TAFA1: variants seen among roughly 807,000 people sequenced by gnomAD.
TAFA1 encodes chemokine-like protein TAFA-1.
TAFA1 carries 4 observed loss-of-function variants against 18.5 expected under a neutral mutation model. The ratio of observed to expected loss-of-function variants is 0.22; its 90% CI spans 0.11 to 0.49. The LOEUF (loss-of-function observed/expected upper bound fraction) is 0.49. Ranked by LOEUF, TAFA1 falls within the 20% of genes least tolerant of loss-of-function variation. The pLI is 0.98. For missense variants in TAFA1, 147 were observed against 169.0 expected (o/e 0.87, Z 0.72); for synonymous variants, 56 against 55.2 (o/e 1.01, Z -0.06).
chr3:68,492,704 A>G (rs948178680), intron 3 of TAFA1, among the ~76,000 whole-genome samples: 13 of 152,222 alleles, frequency 8.5e-5, no homozygotes, highest in African/African-American at 3.1e-4. Context: ...AACATCAAGA[A>G]TAAGCAAGGT....
rs186073582 is a variant in TAFA1, at chr3:68,292,185, C to T, written c.119-125095C>T. On this transcript the variant is annotated intron_variant, in intron 2 of 4. Transcript: ENST00000478136. ...ATATTTAGAACATTTAGTTTACCTACGTATATATAATTCTTAGTAGCTGTG... is the reference window on the plus strand; with the variant it reads ...ATATTTAGAACATTTAGTTTACCTATGTATATATAATTCTTAGTAGCTGTG... Among the ~76,000 whole-genome samples, 34 of 152,144 alleles carry T rather than the reference C, an allele frequency of 2.2e-4. No homozygotes were observed. In the South Asian group the frequency reaches 3.1e-3, roughly 14 times the overall value.
At chr3:68,431,951 G>T (rs562232744) in intron 3 of TAFA1, among the ~76,000 whole-genome samples, 1 of 152,006 alleles carries the variant, frequency 6.6e-6, no homozygotes, top group East Asian at 1.9e-4. Flanking sequence ...ACATGACTGG[G>T]GGCTACATAC....
intron 2 of TAFA1, among the ~76,000 whole-genome samples, chr3:68,311,960 C>T (rs1182722130): frequency 6.6e-6 from 1 of 152,250 alleles, no homozygotes; most frequent in African/African-American, 2.4e-5. Context: ...CATTTCCATA[C>T]ATCTGAAATG....
At chr3:68,271,008 G>A (rs866309670) in intron 2 of TAFA1, among the ~76,000 whole-genome samples, 1 of 152,064 alleles carries the variant, frequency 6.6e-6, no homozygotes, top group African/African-American at 2.4e-5. Flanking sequence ...AATCTAAACT[G>A]CTTAAGCCGA....
chr3:68,193,734 T>C (rs899002564), intron 2 of TAFA1, among the ~76,000 whole-genome samples: 5 of 151,670 alleles, frequency 3.3e-5, no homozygotes, highest in African/African-American at 9.7e-5. Context: ...AGCCTAGGCT[T>C]TAAAGTGGAT....
intron 2 of TAFA1, among the ~76,000 whole-genome samples, chr3:68,151,932 TC>T (rs2065811646): frequency 6.6e-6 from 1 of 152,180 alleles, no homozygotes; most frequent in African/African-American, 2.4e-5. Context: ...TCTGAGAAGC[TC>T]ATTCATGTAA....
intron 2 of TAFA1, among the ~76,000 whole-genome samples, chr3:68,184,633 A>G (rs986692297): frequency 6.6e-6 from 1 of 152,106 alleles, no homozygotes; most frequent in Admixed American, 6.6e-5. Flanking sequence ...TACTGGGAAC[A>G]CGAAAGCTCC....
intron 2 of TAFA1, among the ~76,000 whole-genome samples, chr3:68,232,797 T>G (rs2066887292): frequency 6.6e-6 from 1 of 152,056 alleles, no homozygotes; most frequent in African/African-American, 2.4e-5. Flanking sequence ...AGAGATGAGG[T>G]CTCGTTACGT....
chr3:68,520,217 C>G (rs895068355), intron 3 of TAFA1, among the ~76,000 whole-genome samples: 2 of 152,182 alleles, frequency 1.3e-5, no homozygotes, highest in Non-Finnish European at 2.9e-5. Flanking sequence ...TTAGACCTGT[C>G]TTCTCCACAA....
At chr3:68,259,069 A>T (rs1325901705) in intron 2 of TAFA1, among the ~76,000 whole-genome samples, 1 of 152,178 alleles carries the variant, frequency 6.6e-6, no homozygotes, top group African/African-American at 2.4e-5. Context: ...TAAACCACAG[A>T]TGCTGACTCA....
intron 2 of TAFA1, among the ~76,000 whole-genome samples, chr3:68,040,900 G>A (rs867101589): frequency 2.5e-4 from 38 of 152,170 alleles, no homozygotes; most frequent in East Asian, 5.8e-4. Flanking sequence ...ATTCCTTTCT[G>A]TTTCAAAACT....
intron 2 of TAFA1, among the ~76,000 whole-genome samples, chr3:68,371,039 G>A (rs1227716770): frequency 1.3e-5 from 2 of 151,968 alleles, no homozygotes; most frequent in Non-Finnish European, 2.9e-5. Flanking sequence ...GGCCAAGCAA[G>A]TCAGAAATAC....
At chr3:68,389,710 G>T (rs2070184180) in intron 2 of TAFA1, among the ~76,000 whole-genome samples, 3 of 152,032 alleles carry the variant, frequency 2.0e-5, no homozygotes, top group Admixed American at 1.3e-4. Flanking sequence ...ACCCACAGAG[G>T]GTGAGCAGAA....
intron 2 of TAFA1, among the ~76,000 whole-genome samples, chr3:68,021,303 G>A (rs1704685515): frequency 6.6e-6 from 1 of 151,342 alleles, no homozygotes; most frequent in Non-Finnish European, 1.5e-5. Context: ...CTCATTAAAG[G>A]GAAATAATCC....
chr3:68,294,034 C>T (rs938239795), intron 2 of TAFA1, among the ~76,000 whole-genome samples: 11 of 152,318 alleles, frequency 7.2e-5, no homozygotes, highest in Non-Finnish European at 1.6e-4. Flanking sequence ...CTAAAACATA[C>T]TCTCAGCAGT....
At chr3:68,405,986 C>T (rs1487427751) in intron 2 of TAFA1, among the ~76,000 whole-genome samples, 3 of 151,840 alleles carry the variant, frequency 2.0e-5, no homozygotes, top group Middle Eastern at 3.4e-3. Context: ...ATGTGCTGCT[C>T]GATTTATTAA....
intron 2 of TAFA1, among the ~76,000 whole-genome samples, chr3:68,032,971 A>G (rs944698338): frequency 2.2e-4 from 33 of 152,034 alleles, no homozygotes; most frequent in African/African-American, 7.5e-4. Context: ...CTTCCTTCCT[A>G]TGTATGATAT....
At chr3:68,255,876 A>G (rs1429169660) in intron 2 of TAFA1, among the ~76,000 whole-genome samples, 1 of 152,138 alleles carries the variant, frequency 6.6e-6, no homozygotes, top group Non-Finnish European at 1.5e-5. Flanking sequence ...CTGATATTTC[A>G]GTGTTAACAA....
At chr3:68,510,293 A>G (rs926858056) in intron 3 of TAFA1, among the ~76,000 whole-genome samples, 7 of 151,980 alleles carry the variant, frequency 4.6e-5, no homozygotes, top group African/African-American at 1.7e-4. Context: ...TAACTTGGCC[A>G]TCTCCCCATT....
Sources: gnomAD v4.1 joint callset for allele counts (sites outside exome capture counted in the v4.1 genomes callset) on GRCh38, gnomAD v4.1.1 for gene constraint, MANE v1.5 for transcripts, NCBI Gene and HGNC (gene_info 2026-07-23, HGNC 2026-07-21) for gene names.